DMD: variants seen among roughly 807,000 people sequenced by gnomAD.
DMD encodes dystrophin.
DMD carries 63 observed loss-of-function variants against 330.1 expected under a neutral mutation model. That is an observed-to-expected ratio of 0.19 (90% CI 0.16 to 0.24). The LOEUF (loss-of-function observed/expected upper bound fraction) is 0.24, where lower values mean the gene tolerates loss of function less well. Ranked by LOEUF, DMD falls within the 10% of genes least tolerant of loss-of-function variation. The pLI is 1.00. For synonymous variants in DMD, 1,223 were observed against 959.8 expected (o/e 1.27, Z -5.07); for missense variants, 3,344 against 2,684.1 (o/e 1.25, Z -5.43).
intron 55 of DMD, among the ~76,000 whole-genome samples, chrX:31,545,140 A>G (rs1018890782): frequency 8.9e-6 from 1 of 111,995 alleles, no homozygotes; most frequent in Non-Finnish European, 1.9e-5. Flanking sequence ...TCGTTGTTCC[A>G]TGGAATCAAA....
chrX:32,171,337 A>C (rs2147351427), intron 44 of DMD, among the ~76,000 whole-genome samples: 1 of 111,753 alleles, frequency 8.9e-6, no homozygotes, highest in Admixed American at 9.5e-5. Flanking sequence ...AATATACAAT[A>C]ATAGTTCTTC....
At chrX:32,293,452 C>T (rs1311604648) in intron 42 of DMD, among the ~76,000 whole-genome samples, 1 of 111,181 alleles carries the variant, frequency 9.0e-6, no homozygotes, top group African/African-American at 3.3e-5. Context: ...GTCAACAAGT[C>T]AGATGCAGCC....
chrX:32,567,442 G>T (rs995505590), intron 15 of DMD, among the ~76,000 whole-genome samples: 2 of 111,894 alleles, frequency 1.8e-5, no homozygotes, highest in African/African-American at 6.5e-5. Context: ...CTGTCGCCCA[G>T]GCTGGAGTGC....
At chrX:32,108,831 G>A (rs1170290961) in intron 44 of DMD, among the ~76,000 whole-genome samples, 2 of 111,243 alleles carry the variant, frequency 1.8e-5, no homozygotes, top group Non-Finnish European at 3.8e-5. Flanking sequence ...AGAACACAAG[G>A]AGCATGTTAG....
At chrX:32,121,069 G>A (rs1467763539) in intron 44 of DMD, among the ~76,000 whole-genome samples, 1 of 112,239 alleles carries the variant, frequency 8.9e-6, no homozygotes, top group Non-Finnish European at 1.9e-5. Flanking sequence ...TTCGTTAGAA[G>A]TTACTGATTT....
intron 44 of DMD, among the ~76,000 whole-genome samples, chrX:32,139,950 G>A (rs2096744649): frequency 8.9e-6 from 1 of 112,309 alleles, no homozygotes; most frequent in South Asian, 3.6e-4. Flanking sequence ...GGAAAACATA[G>A]TTGCTATATC....
chrX:32,488,857 C>T (rs968513195), intron 20 of DMD, among the ~76,000 whole-genome samples: 1 of 111,032 alleles, frequency 9.0e-6, no homozygotes, highest in African/African-American at 3.3e-5. Flanking sequence ...TTCATCTGCC[C>T]CTCTATGTTC....
At chrX:32,646,003 T>A (rs1226501957) in intron 9 of DMD, among the ~76,000 whole-genome samples, 1 of 111,410 alleles carries the variant, frequency 9.0e-6, no homozygotes, top group Non-Finnish European at 1.9e-5. Context: ...TAAAGGTGTG[T>A]AAGAGCAAGC....
chrX:31,880,555 T>C (rs777104908), intron 47 of DMD, among the ~76,000 whole-genome samples: 1 of 112,501 alleles, frequency 8.9e-6, no homozygotes, highest in Non-Finnish European at 1.9e-5. Flanking sequence ...TGTTATACTA[T>C]TATTTATCTA....
chrX:32,757,921 AC>A (rs746431661), intron 7 of DMD, among the ~76,000 whole-genome samples: 2 of 111,336 alleles, frequency 1.8e-5, no homozygotes, highest in Non-Finnish European at 3.8e-5. Context: ...GAGGGTTAAC[AC>A]CCTTTCACTT....
At chrX:31,890,375 GAAGA>G (rs1010545335) in intron 47 of DMD, among the ~76,000 whole-genome samples, 1 of 105,835 alleles carries the variant, frequency 9.4e-6, no homozygotes, top group African/African-American at 3.4e-5. Context: ...AAAAAAAGAA[GAAGA>G]AAGAAAGAAA....
intron 41 of DMD, among the ~76,000 whole-genome samples, chrX:32,311,611 C>T (rs2097562791): frequency 1.8e-5 from 2 of 111,256 alleles, no homozygotes; most frequent in African/African-American, 6.5e-5. Context: ...TGGGCCAAAT[C>T]CATGGCACAC....
At chrX:31,292,597 T>C (rs2053786163) in intron 62 of DMD, among the ~76,000 whole-genome samples, 1 of 111,966 alleles carries the variant, frequency 8.9e-6, no homozygotes, top group Admixed American at 9.5e-5. Flanking sequence ...TAGGCAATTT[T>C]ACTGCAAAGT....
rs547849342 is a variant in DMD at position 33,287,679 on chromosome X, G to A, written c.7+51580C>T. Reference sequence around the variant, plus strand: ...TATATAGATCTGAAAAGTAAGGAACGGTTAAAAAGACAGGAGTAGAATGTA... The same window carrying A: ...TATATAGATCTGAAAAGTAAGGAACAGTTAAAAAGACAGGAGTAGAATGTA... On this transcript the variant is annotated intron_variant, in intron 1 of 17. Coordinates refer to the DMD transcript ENST00000288447. 3.6e-4 allele frequency among the ~76,000 whole-genome samples: 40 copies of A among 111,221 alleles called. 1 individual carries two copies. The South Asian group carries it at 0.014, about 40-fold the overall frequency.
chrX:32,991,037 T>G (rs1350060189), intron 2 of DMD, among the ~76,000 whole-genome samples: 1 of 111,476 alleles, frequency 9.0e-6, no homozygotes, highest in Non-Finnish European at 1.9e-5. Flanking sequence ...TAATTATACC[T>G]AATTTGTTAA....
intron 60 of DMD, among the ~76,000 whole-genome samples, chrX:31,375,590 C>T (rs1052662238): frequency 1.8e-5 from 2 of 111,526 alleles, no homozygotes; most frequent in South Asian, 7.5e-4. Flanking sequence ...CATTATGCTA[C>T]GTGAAATAAG....
intron 74 of DMD, among the ~76,000 whole-genome samples, chrX:31,165,713 C>T (rs1228410243): frequency 8.9e-6 from 1 of 112,174 alleles, no homozygotes; most frequent in Non-Finnish European, 1.9e-5. Flanking sequence ...GATCCAGTGG[C>T]TCTTTGCCAA....
chrX:31,267,422 A>G (rs909613452), intron 62 of DMD, among the ~76,000 whole-genome samples: 11 of 112,635 alleles, frequency 9.8e-5, no homozygotes, highest in African/African-American at 3.5e-4. Flanking sequence ...GCTAAAAGGG[A>G]TTGTTAAAAA....
intron 41 of DMD, among the ~76,000 whole-genome samples, chrX:32,313,930 T>A (rs2097573717): frequency 9.0e-6 from 1 of 111,408 alleles, no homozygotes; most frequent in South Asian, 3.8e-4. Context: ...ATTCCATGCT[T>A]ATGGAAAGGA....
Sources: gnomAD v4.1 joint callset for allele counts (sites outside exome capture counted in the v4.1 genomes callset) on GRCh38, gnomAD v4.1.1 for gene constraint, MANE v1.5 for transcripts, NCBI Gene and HGNC (gene_info 2026-07-23, HGNC 2026-07-21) for gene names.